NEDD4L: variants seen among roughly 807,000 people sequenced by gnomAD.
NEDD4L encodes the protein E3 ubiquitin-protein ligase NEDD4-like.
A neutral mutation model predicts 148.9 loss-of-function variants in NEDD4L; 54 were observed. The observed-to-expected ratio is 0.36, with a 90% confidence interval of 0.29 to 0.45. The LOEUF (loss-of-function observed/expected upper bound fraction) is 0.45, where lower values mean the gene tolerates loss of function less well. Ranked by LOEUF, NEDD4L falls within the 20% of genes least tolerant of loss-of-function variation. The pLI is 1.00. For missense variants in NEDD4L, 856 were observed against 1,233.8 expected (o/e 0.69, Z 4.59); for synonymous variants, 433 against 440.7 (o/e 0.98, Z 0.22).
chr18:58,320,135 T>C (rs1441713262), intron 6 of NEDD4L, among the ~76,000 whole-genome samples: 1 of 152,184 alleles, frequency 6.6e-6, no homozygotes, highest in East Asian at 1.9e-4. Flanking sequence ...CTAAGCTCCG[T>C]GGTTTTCCCT....
rs1751841523 is a variant in NEDD4L, at chr18:58,373,903, T to C, written c.2352+634T>C. 2.0e-5 allele frequency among the ~76,000 whole-genome samples: 3 copies of C among 152,212 alleles called. No individual in the cohort carries two copies. The South Asian group carries it at 6.2e-4, about 32-fold the overall frequency. On this transcript the variant is annotated intron_variant, in intron 24 of 30. Transcript: ENST00000400345. The stretch of plus-strand genomic sequence containing the variant: ...GCTAAGGATCTATGCGATGTATTTG[T>C]CTCAATTCTGAAGCCTTTGCTTCAT...
chr18:58,196,710 CTTTTTTTTTTTT>C (rs544883000), intron 2 of NEDD4L, among the ~76,000 whole-genome samples: 4 of 114,444 alleles, frequency 3.5e-5, no homozygotes, highest in Admixed American at 1.0e-4. Flanking sequence ...CTCTCTCTCT[CTTTTTTTTTTTT>C]TTTTTTTTTT....
intron 27 of NEDD4L, chr18:58,388,775 GAGAGAATCCAC>G (rs1343977029): frequency 1.8e-4 from 64 of 346,204 alleles, no homozygotes; most frequent in African/African-American, 1.1e-3. Context: ...GCTGGAGCGT[GAGAGAATCCAC>G]AGGTCCCATG....
intron 19 of NEDD4L, among the ~76,000 whole-genome samples, chr18:58,362,617 C>G (rs1823941170): frequency 6.6e-6 from 1 of 152,180 alleles, no homozygotes; most frequent in Non-Finnish European, 1.5e-5. Flanking sequence ...TTTCCTATTG[C>G]CTGTTGCTCT....
intron 1 of NEDD4L, among the ~76,000 whole-genome samples, chr18:58,143,295 C>G (rs1355223854): frequency 6.6e-6 from 1 of 152,172 alleles, no homozygotes; most frequent in Non-Finnish European, 1.5e-5. Context: ...CACCCTCGAT[C>G]TCACAGCATG....
chr18:58,249,485 C>T (rs965717116), intron 4 of NEDD4L, among the ~76,000 whole-genome samples: 11 of 152,056 alleles, frequency 7.2e-5, no homozygotes, highest in African/African-American at 2.2e-4. Context: ...AGCTATATGT[C>T]GAAATGACTG....
At chr18:58,299,134 T>C (rs1305348236) in intron 5 of NEDD4L, among the ~76,000 whole-genome samples, 1 of 152,250 alleles carries the variant, frequency 6.6e-6, no homozygotes, top group African/African-American at 2.4e-5. Flanking sequence ...ATGATTCTGT[T>C]TTATTAGAAA....
intron 1 of NEDD4L, among the ~76,000 whole-genome samples, chr18:58,065,582 A>G (rs1412018025): frequency 6.6e-6 from 1 of 152,250 alleles, no homozygotes; most frequent in Non-Finnish European, 1.5e-5. Context: ...GCAGATGAGC[A>G]TTGCCATTCA....
chr18:58,161,079 C>T (rs970788004), intron 1 of NEDD4L, among the ~76,000 whole-genome samples: 8 of 151,916 alleles, frequency 5.3e-5, no homozygotes, highest in African/African-American at 1.7e-4. Context: ...TGCAATGGTG[C>T]GATCCCGGCT....
At chr18:58,324,584 G>A (rs1262578570) in intron 8 of NEDD4L, among the ~76,000 whole-genome samples, 4 of 152,350 alleles carry the variant, frequency 2.6e-5, no homozygotes, top group African/African-American at 9.6e-5. Context: ...TCATAGAGGT[G>A]TTGAAAAGAT....
chr18:58,319,146 G>C (rs776188898), intron 6 of NEDD4L, among the ~76,000 whole-genome samples: 1 of 152,262 alleles, frequency 6.6e-6, no homozygotes, highest in East Asian at 1.9e-4. Context: ...CATGGAGTTT[G>C]GAGGGACTTC....
chr18:58,187,359 G>A (rs2039589383), intron 2 of NEDD4L, among the ~76,000 whole-genome samples: 1 of 152,186 alleles, frequency 6.6e-6, no homozygotes, highest in African/African-American at 2.4e-5. Flanking sequence ...CTGGAGGGCA[G>A]GGGATGGGTA....
chr18:58,136,569 AAAG>A (rs1442437187), intron 1 of NEDD4L, among the ~76,000 whole-genome samples: 1 of 152,198 alleles, frequency 6.6e-6, no homozygotes, highest in Admixed American at 6.5e-5. Context: ...GATATTCACA[AAAG>A]AAGGACCTCA....
At chr18:58,320,232 C>G (rs505924) in intron 6 of NEDD4L, among the ~76,000 whole-genome samples, 2,185 of 152,286 alleles carry the variant, frequency 0.014, 29 homozygotes, top group South Asian at 0.024. Flanking sequence ...GTTTGATTTC[C>G]TATGTTTAAA....
chr18:58,184,739 T>C (rs1284857315), intron 2 of NEDD4L, among the ~76,000 whole-genome samples: 4 of 152,010 alleles, frequency 2.6e-5, no homozygotes, highest in Admixed American at 6.6e-5. Context: ...CCATCCTGGC[T>C]AACACGGTGA....
At chr18:58,160,494 T>C (rs1158347185) in intron 1 of NEDD4L, among the ~76,000 whole-genome samples, 1 of 152,264 alleles carries the variant, frequency 6.6e-6, no homozygotes, top group African/African-American at 2.4e-5. Context: ...TAGTTTCTAC[T>C]CTGATGTTTC....
intron 1 of NEDD4L, among the ~76,000 whole-genome samples, chr18:58,127,068 A>T (rs1054772681): frequency 2.0e-5 from 3 of 152,118 alleles, no homozygotes; most frequent in African/African-American, 7.2e-5. Flanking sequence ...TTCTCTGCTT[A>T]CCTGTTCATG....
chr18:58,096,266 A>G (rs1357703694), intron 1 of NEDD4L, among the ~76,000 whole-genome samples: 1 of 151,992 alleles, frequency 6.6e-6, no homozygotes, highest in East Asian at 1.9e-4. Flanking sequence ...TTACATTTTC[A>G]GGGTAGTTTG....
chr18:58,371,417 T>C (rs988287926), intron 23 of NEDD4L: 1 of 152,130 alleles, frequency 6.6e-6, no homozygotes, highest in African/African-American at 2.4e-5. Context: ...TGTTTTTCTT[T>C]TAATGTACCT....
Sources: gnomAD v4.1 joint callset for allele counts (sites outside exome capture counted in the v4.1 genomes callset) on GRCh38, gnomAD v4.1.1 for gene constraint, MANE v1.5 for transcripts, NCBI Gene and HGNC (gene_info 2026-07-23, HGNC 2026-07-21) for gene names.